The following HAO1 variants were observed in gnomAD, a reference collection of about 807,000 sequenced individuals.
The protein encoded by HAO1 is 2-Hydroxyacid oxidase 1.
HAO1 carries 34 observed loss-of-function variants against 39.7 expected under a neutral mutation model. That is an observed-to-expected ratio of 0.86 (90% CI 0.65 to 1.14). The LOEUF (loss-of-function observed/expected upper bound fraction) is 1.14. Ranked by LOEUF, HAO1 falls within the 50% of genes most tolerant of loss-of-function variation. The pLI, the probability that HAO1 is intolerant of heterozygous loss-of-function variation, is 0.00. For missense variants in HAO1, 479 were observed against 464.5 expected, an observed-to-expected ratio of 1.03 and a Z score of -0.29; for synonymous variants, 172 against 173.2, an observed-to-expected ratio of 0.99 and a Z score of 0.05.
intron 1 of HAO1, among the ~76,000 whole-genome samples, chr20:7,937,760 A>C (rs1390958772): frequency 6.6e-6 from 1 of 152,214 alleles, no homozygotes; most frequent in Non-Finnish European, 1.5e-5. Context: ...AATCCCAATC[A>C]ATTCCAGCCA....
At chr20:7,903,850 T>TGTGGTAGCG (rs2050234445) in intron 4 of HAO1, among the ~76,000 whole-genome samples, 2 of 36,868 alleles carry the variant, frequency 5.4e-5, no homozygotes, top group African/African-American at 1.5e-4. Flanking sequence ...TAATGGAGAT[T>TGTGGTAGCG]GTGGTAGCGG....
chr20:7,903,888 T>TGGTGGTGGTGGTGGC (rs1568512980), intron 4 of HAO1, among the ~76,000 whole-genome samples: 139 of 138,056 alleles, frequency 1.0e-3, no homozygotes, highest in African/African-American at 3.4e-3. Flanking sequence ...GTGGTGGTGG[T>TGGTGGTGGTGGTGGC]GGTGGTGGTG....
chr20:7,918,467 T>C (rs1450123915), intron 2 of HAO1, among the ~76,000 whole-genome samples: 1 of 151,940 alleles, frequency 6.6e-6, no homozygotes, highest in Non-Finnish European at 1.5e-5. Flanking sequence ...CTCCAATTGG[T>C]AAATAGCCAC....
intron 4 of HAO1, among the ~76,000 whole-genome samples, chr20:7,898,641 C>T (rs1163810969): frequency 1.3e-5 from 2 of 152,124 alleles, no homozygotes; most frequent in Non-Finnish European, 2.9e-5. Context: ...GATCTGTGCA[C>T]TTCCATCATA....
chr20:7,909,786 T>C (rs1410236288), intron 3 of HAO1, among the ~76,000 whole-genome samples: 1 of 152,034 alleles, frequency 6.6e-6, no homozygotes, highest in Non-Finnish European at 1.5e-5. Context: ...AATTCCGTCT[T>C]GGGAAACAAA....
intron 4 of HAO1, among the ~76,000 whole-genome samples, chr20:7,905,490 A>T (rs558450660): frequency 6.6e-6 from 1 of 152,348 alleles, no homozygotes; most frequent in South Asian, 2.1e-4. Context: ...ACCAAAGGTT[A>T]TATACCACAA....
intron 2 of HAO1, among the ~76,000 whole-genome samples, chr20:7,923,644 A>G (rs2050344868): frequency 6.6e-6 from 1 of 152,182 alleles, no homozygotes; most frequent in African/African-American, 2.4e-5. Flanking sequence ...GACCTGAACT[A>G]TGCCTTTGGC....
intron 2 of HAO1, among the ~76,000 whole-genome samples, chr20:7,926,905 C>T (rs113133984): frequency 0.013 from 1,992 of 151,524 alleles, 39 homozygotes; most frequent in African/African-American, 0.043. Context: ...TGCTAATATG[C>T]TGAACATTCC....
intron 3 of HAO1, among the ~76,000 whole-genome samples, chr20:7,909,753 C>T (rs1390650224): frequency 6.6e-6 from 1 of 151,630 alleles, no homozygotes; most frequent in Non-Finnish European, 1.5e-5. Context: ...ATTGATAATG[C>T]AACATTAAAG....
At chr20:7,914,755 T>G (rs753910004) in intron 2 of HAO1, among the ~76,000 whole-genome samples, 2 of 152,204 alleles carry the variant, frequency 1.3e-5, no homozygotes, top group Non-Finnish European at 2.9e-5. Context: ...ATTAAGAACC[T>G]GAACATCCAG....
intron 2 of HAO1, among the ~76,000 whole-genome samples, chr20:7,921,416 T>C (rs2050332294): frequency 6.6e-6 from 1 of 152,112 alleles, no homozygotes; most frequent in Non-Finnish European, 1.5e-5. Context: ...TACCATCTCA[T>C]ACCAGTCAGA....
In HAO1 at chr20:7,934,644, A is replaced by T. The variant is rs1236503992; in HGVS notation, c.138-9T>A. On this transcript the variant is annotated splice_polypyrimidine_tract_variant and intron_variant, in intron 1 of 7. Transcript: ENST00000378789. ...TTGGATACAGCTTCCATCTAGAATTAAAAAATAAAATAAAATAAAAGGCTT... is the reference window on the plus strand; with the variant it reads ...TTGGATACAGCTTCCATCTAGAATTTAAAAATAAAATAAAATAAAAGGCTT... 2 of 1,548,864 alleles carry T rather than the reference A, an allele frequency of 1.3e-6. No individual in the cohort carries two copies. Among genetic ancestry groups the T allele is most frequent in the Non-Finnish European group, 1.7e-6 (2 of 1,145,740 alleles).
chr20:7,902,831 T>C (rs900838220), intron 4 of HAO1, among the ~76,000 whole-genome samples: 17 of 152,226 alleles, frequency 1.1e-4, no homozygotes, highest in African/African-American at 3.1e-4. Flanking sequence ...GGAGCTTGCG[T>C]TGAAGTTCTC....
At chr20:7,931,531 T>C (rs974945738) in intron 2 of HAO1, among the ~76,000 whole-genome samples, 4 of 152,180 alleles carry the variant, frequency 2.6e-5, no homozygotes, top group African/African-American at 9.6e-5. Context: ...AAAATAGGTT[T>C]AATAATATGA....
intron 3 of HAO1, among the ~76,000 whole-genome samples, chr20:7,906,613 C>A (rs2050249532): frequency 6.6e-6 from 1 of 152,126 alleles, no homozygotes; most frequent in Non-Finnish European, 1.5e-5. Context: ...CATATTCAAA[C>A]ATCTCATTTT....
chr20:7,896,070 TC>T (rs2050196260), intron 4 of HAO1, among the ~76,000 whole-genome samples: 1 of 150,098 alleles, frequency 6.7e-6, no homozygotes, highest in Non-Finnish European at 1.5e-5. Context: ...AAACTCCGTC[TC>T]AAAAAAAAAA....
At chr20:7,893,657 A>G (rs2050184065) in intron 5 of HAO1, among the ~76,000 whole-genome samples, 1 of 152,120 alleles carries the variant, frequency 6.6e-6, no homozygotes, top group Non-Finnish European at 1.5e-5. Flanking sequence ...CAAGAGGACA[A>G]TTCGACTCTC....
At chr20:7,900,165 A>G (rs947695493) in intron 4 of HAO1, among the ~76,000 whole-genome samples, 5 of 152,134 alleles carry the variant, frequency 3.3e-5, no homozygotes, top group African/African-American at 9.7e-5. Flanking sequence ...AGTATCTTGA[A>G]CAATGTATAC....
intron 4 of HAO1, among the ~76,000 whole-genome samples, chr20:7,905,163 A>T (rs1178271143): frequency 6.6e-6 from 1 of 152,192 alleles, no homozygotes; most frequent in African/African-American, 2.4e-5. Flanking sequence ...ATATCGATTT[A>T]AAAAACTAAT....
Sources: gnomAD v4.1 joint callset for allele counts (sites outside exome capture counted in the v4.1 genomes callset) on GRCh38, gnomAD v4.1.1 for gene constraint, MANE v1.5 for transcripts, NCBI Gene and HGNC (gene_info 2026-07-23, HGNC 2026-07-21) for gene names.